SVIL: variants seen among roughly 807,000 people sequenced by gnomAD.
The protein encoded by SVIL is supervillin.
In SVIL, 101 loss-of-function variants were observed where a neutral mutation model predicts 240.4. The observed-to-expected ratio is 0.42, with a 90% CI of 0.36 to 0.50. The LOEUF is 0.50. Among genes scored for constraint, SVIL ranks in the 20% least tolerant of loss-of-function variants. The pLI, the probability that SVIL is intolerant of heterozygous loss-of-function variation, is 0.01. For synonymous variants in SVIL, 999 were observed against 1,100.0 expected, an observed-to-expected ratio of 0.91 and a Z score of 1.82; for missense variants, 2,512 against 2,818.7, an observed-to-expected ratio of 0.89 and a Z score of 2.46.
At chr10:29,498,990 A>G (rs1160812398) in intron 18 of SVIL, 126 bp downstream of exon 18, 3 of 1,384,948 alleles carry the variant, frequency 2.2e-6, no homozygotes, top group Non-Finnish European at 2.9e-6. Context: ...CTTAGAAAAA[A>G]CTTAAAAAGA....
Position 29,709,587 on chromosome 10 carries a change from C to T in SVIL, c.-399-22936G>A, listed in dbSNP as rs77329472. Reference sequence around the variant, plus strand: ...GCTGGAGAAGTCGTGCAGGAGGAAGCGACTTTTCTCCTATGGGGTATGCTC... The same window carrying T: ...GCTGGAGAAGTCGTGCAGGAGGAAGTGACTTTTCTCCTATGGGGTATGCTC... On this transcript the variant is annotated intron_variant, in intron 1 of 35. Transcript: ENST00000375400. Among the ~76,000 whole-genome samples the T allele has an allele frequency of 8.3e-3, 1,263 of 152,272 alleles. 23 individuals carry two copies. The highest frequency in any genetic ancestry group is 0.028 in the African/African-American group (1,146 of 41,544).
chr10:29,718,056 A>C (rs910763268), intron 1 of SVIL, among the ~76,000 whole-genome samples: 2 of 152,156 alleles, frequency 1.3e-5, no homozygotes, highest in Non-Finnish European at 2.9e-5. Context: ...GGCCAGGCGC[A>C]GTGGCTCACA....
chr10:29,520,758 T>C (rs1950508057), intron 16 of SVIL, among the ~76,000 whole-genome samples: 1 of 151,582 alleles, frequency 6.6e-6, no homozygotes, highest in Admixed American at 6.6e-5. Context: ...AAAAATCTTT[T>C]TGAAAAAATT....
intron 1 of SVIL, among the ~76,000 whole-genome samples, chr10:29,603,985 G>A (rs1956912811): frequency 6.6e-6 from 1 of 152,136 alleles, no homozygotes; most frequent in South Asian, 2.1e-4. Context: ...AAAAGTGGCA[G>A]AAGAATATTT....
At chr10:29,505,829 A>C (rs1391884705) in intron 17 of SVIL, among the ~76,000 whole-genome samples, 2 of 152,214 alleles carry the variant, frequency 1.3e-5, no homozygotes, top group East Asian at 3.9e-4. Flanking sequence ...ACTGCTCCAA[A>C]AAAATAAATT....
chr10:29,500,126 G>T (rs1461030448), intron 17 of SVIL, among the ~76,000 whole-genome samples: 1 of 152,122 alleles, frequency 6.6e-6, no homozygotes, highest in Non-Finnish European at 1.5e-5. Flanking sequence ...AGATGGGGCT[G>T]AGGAGGGAGG....
chr10:29,610,669 C>T (rs901368458), intron 1 of SVIL, among the ~76,000 whole-genome samples: 17 of 152,138 alleles, frequency 1.1e-4, no homozygotes, highest in African/African-American at 3.9e-4. Context: ...GATCCTCCTG[C>T]CTCAACCTCC....
intron 2 of SVIL, among the ~76,000 whole-genome samples, chr10:29,678,764 G>A (rs1960398810): frequency 6.6e-6 from 1 of 152,164 alleles, no homozygotes; most frequent in African/African-American, 2.4e-5. Context: ...AAGATGTGTG[G>A]GGGATATTAA....
chr10:29,624,474 G>A (rs1054449374), intron 1 of SVIL, among the ~76,000 whole-genome samples: 16 of 152,178 alleles, frequency 1.1e-4, no homozygotes, highest in Non-Finnish European at 5.9e-5. Context: ...GGAGGCAGAG[G>A]TTGCAGTGAG....
rs1951031106 is a variant in SVIL at position 29,527,718 on chromosome 10, C to A, written c.2247-662G>T. On this transcript the variant is annotated intron_variant, in intron 12 of 37. Transcript: ENST00000355867. ...GGGATTACAGGTGTAAGCCACTGGG[C>A]CCAGCCTTTTTTTTTTTTTTTTTTT... Among the ~76,000 whole-genome samples, 7 of 148,042 alleles carry A rather than the reference C, an allele frequency of 4.7e-5. No homozygotes were observed. In the South Asian group the frequency reaches 1.5e-3, roughly 32 times the overall value.
rs554093475 is a variant in SVIL, at chr10:29,618,801, C to T, written c.-201+15619G>A. Among the ~76,000 whole-genome samples, 5 of 152,070 alleles carry T rather than the reference C, an allele frequency of 3.3e-5. No individual in the cohort carries two copies. The South Asian group carries it at 1.0e-3, about 32-fold the overall frequency. On this transcript the variant is annotated intron_variant, in intron 1 of 37. Transcript: ENST00000355867. ...GTGGCGCAATCAGAGCTCACTGTAGCCTCAAACTCCTGGACTCAGGGAATT... is the reference window on the plus strand; with the variant it reads ...GTGGCGCAATCAGAGCTCACTGTAGTCTCAAACTCCTGGACTCAGGGAATT...
At chr10:29,547,726 G>T (rs1321271479) in intron 6 of SVIL, among the ~76,000 whole-genome samples, 1 of 152,084 alleles carries the variant, frequency 6.6e-6, no homozygotes, top group Non-Finnish European at 1.5e-5. Context: ...AAATCTATTT[G>T]AGAATCTATT....
rs140069430 is a variant in SVIL at position 29,566,886 on chromosome 10, T to A, written c.-143+2369A>T. Among the ~76,000 whole-genome samples the A allele has an allele frequency of 3.4e-3, 513 of 152,324 alleles. 13 individuals are homozygous for A. The South Asian group carries it at 0.068, about 20-fold the overall frequency. ...ACTTCCCCAGGGACAAAGGGGTGTC[T>A]GCAGGGTCAACCTCTGCAGGCCTTG... On this transcript the variant is annotated intron_variant, in intron 2 of 37. Transcript: ENST00000355867.
intron 29 of SVIL, among the ~76,000 whole-genome samples, chr10:29,477,603 TA>T (rs1946337355): frequency 6.6e-6 from 1 of 152,200 alleles, no homozygotes; most frequent in Non-Finnish European, 1.5e-5. Flanking sequence ...GCACAAGTGA[TA>T]GGGGAGCCGG....
intron 1 of SVIL, among the ~76,000 whole-genome samples, chr10:29,694,131 G>A (rs12262838): frequency 3.4e-4 from 51 of 150,174 alleles, no homozygotes; most frequent in African/African-American, 1.2e-3. Flanking sequence ...AACAAAAATT[G>A]ATATTGGCAG....
intron 6 of SVIL, among the ~76,000 whole-genome samples, chr10:29,539,328 G>C (rs544158578): frequency 6.6e-6 from 1 of 152,284 alleles, no homozygotes; most frequent in South Asian, 2.1e-4. Context: ...ATGCTTTGAA[G>C]ACATAATACT....
At chr10:29,706,746 T>A (rs1369912536) in intron 1 of SVIL, among the ~76,000 whole-genome samples, 1 of 152,218 alleles carries the variant, frequency 6.6e-6, no homozygotes, top group East Asian at 1.9e-4. Context: ...TTCCTAGGTT[T>A]TCTTCTGGGG....
intron 32 of SVIL, among the ~76,000 whole-genome samples, chr10:29,469,895 G>A (rs1945360506): frequency 6.6e-6 from 1 of 152,202 alleles, no homozygotes; most frequent in African/African-American, 2.4e-5. Context: ...ACACTCTGCT[G>A]TTCTGGCAAA....
At chr10:29,604,494 A>T (rs538652360) in intron 1 of SVIL, among the ~76,000 whole-genome samples, 1 of 146,290 alleles carries the variant, frequency 6.8e-6, no homozygotes, top group African/African-American at 2.5e-5. Context: ...AAGTGTTGGG[A>T]TTACAGGCGT....
Sources: gnomAD v4.1 joint callset for allele counts (sites outside exome capture counted in the v4.1 genomes callset) on GRCh38, gnomAD v4.1.1 for gene constraint, MANE v1.5 for transcripts, NCBI Gene and HGNC (gene_info 2026-07-23, HGNC 2026-07-21) for gene names.